The following RAB33B variants were observed in gnomAD, a reference collection of about 807,000 sequenced individuals.
The protein encoded by RAB33B is ras-related protein Rab-33B.
In RAB33B, 6 loss-of-function variants were observed where a neutral mutation model predicts 15.0. That is an observed-to-expected ratio of 0.40 (90% confidence interval 0.22 to 0.79). RAB33B has a LOEUF of 0.79. RAB33B is among the 30% of genes least tolerant of loss of function. The pLI is 0.37. For synonymous variants in RAB33B, 117 were observed against 108.3 expected (o/e 1.08, Z -0.50); for missense variants, 257 against 296.4 (o/e 0.87, Z 0.98).
chr4:139,446,850 C>T, the RAB33B span, among the ~76,000 whole-genome samples: 2 of 152,190 alleles, frequency 1.3e-5, no homozygotes, highest in African/African-American at 2.4e-5. Context: ...CCCAATTTGC[C>T]AGCAGCAGAG....
chr4:139,448,121 T>C, the RAB33B span, among the ~76,000 whole-genome samples: 8,313 of 152,242 alleles, frequency 0.055, 258 homozygotes, highest in East Asian at 0.1. Context: ...AGGTGTCTCT[T>C]AGTATTACCA....
At chr4:139,460,214 G>T (rs1750145666) in intron 1 of RAB33B, among the ~76,000 whole-genome samples, 1 of 152,144 alleles carries the variant, frequency 6.6e-6, no homozygotes, top group Non-Finnish European at 1.5e-5. Flanking sequence ...ATTTGGACAG[G>T]CTCTGTAACA....
At position 139,454,127 on chromosome 4, in the gene RAB33B, G is replaced by T. The variant is rs2111066835; in HGVS notation, c.-69G>T. ...ACTGGCCGGCTGGGCGCGCGCTCTT[G>T]CGGTGGCGTAATCTCTCAGCCTTTC... On this transcript the variant is annotated 5_prime_UTR_variant, in exon 1 of 2. Coordinates refer to ENST00000305626, the MANE Select transcript of RAB33B (RefSeq NM_031296.3). The T allele has an allele frequency of 1.3e-6, 2 of 1,516,732 alleles. No individual in the cohort carries two copies. Among genetic ancestry groups the T allele is most frequent in the Non-Finnish European group, 1.8e-6 (2 of 1,131,806 alleles). The allele number at this position is 1,516,732 out of a possible 1,614,324, so 94.0% of individuals were successfully genotyped here. A position where few individuals can be genotyped will look rare whatever the true frequency, so the allele number is the denominator to read the frequency against.
At chr4:139,445,413 A>G in the RAB33B span, among the ~76,000 whole-genome samples, 1 of 152,258 alleles carries the variant, frequency 6.6e-6, no homozygotes, top group Non-Finnish European at 1.5e-5. Context: ...AAGAAGTAGC[A>G]AATACACTGG....
At chr4:139,462,154 C>T (rs545586227) in intron 1 of RAB33B, among the ~76,000 whole-genome samples, 2 of 150,790 alleles carry the variant, frequency 1.3e-5, no homozygotes, top group Admixed American at 6.6e-5. Flanking sequence ...CCCGGGTTCA[C>T]GCCATTCTCC....
intron 1 of RAB33B, among the ~76,000 whole-genome samples, chr4:139,460,874 A>G (rs138139877): frequency 2.7e-4 from 41 of 152,334 alleles, no homozygotes; most frequent in African/African-American, 9.1e-4. Context: ...CCCAGGAACC[A>G]GGTCAGAATT....
At chr4:139,447,266 C>T in the RAB33B span, among the ~76,000 whole-genome samples, 2 of 152,202 alleles carry the variant, frequency 1.3e-5, no homozygotes, top group African/African-American at 4.8e-5. Flanking sequence ...GGTGACAACA[C>T]TTTGCAGGCC....
intron 1 of RAB33B, among the ~76,000 whole-genome samples, chr4:139,465,604 A>G (rs1388817772): frequency 2.0e-5 from 3 of 152,226 alleles, no homozygotes; most frequent in African/African-American, 4.8e-5. Flanking sequence ...AGCTTTCTAC[A>G]TATGGCTGGC....
rs186593113 is a variant in RAB33B at position 139,467,099 on chromosome 4, G to A, written c.250-5587G>A. On this transcript the variant is annotated intron_variant, in intron 1 of 1. Transcript: ENST00000305626. Reference sequence around the variant, plus strand: ...TTTTCCCACCTCAACCTCCCAAGTAGCTGGGACTATGGGCACCTGCCACCA... The same window carrying A: ...TTTTCCCACCTCAACCTCCCAAGTAACTGGGACTATGGGCACCTGCCACCA... Among the ~76,000 whole-genome samples, 660 of 149,548 alleles carry A rather than the reference G, an allele frequency of 4.4e-3. 3 individuals are homozygous for A. Among genetic ancestry groups the A allele is most frequent in the Non-Finnish European group, 7.0e-3 (474 of 67,594 alleles).
At chr4:139,444,603 C>T in the RAB33B span, among the ~76,000 whole-genome samples, 20 of 152,188 alleles carry the variant, frequency 1.3e-4, no homozygotes, top group Non-Finnish European at 2.4e-4. Flanking sequence ...TGGACACTGG[C>T]TCTGAGCTGA....
chr4:139,453,686 G>A (rs1392074165), upstream of RAB33B: 1 of 152,476 alleles, frequency 6.6e-6, no homozygotes, highest in East Asian at 1.9e-4. Context: ...CGTCCTTACC[G>A]TTGCTCTCCA....
intron 1 of RAB33B, 131 bp downstream of exon 1, chr4:139,454,575 GGGATTGGAA>G: frequency 9.5e-7 from 1 of 1,052,102 alleles, no homozygotes; most frequent in Non-Finnish European, 1.3e-6. Flanking sequence ...ATTGGAGTTG[GGGATTGGAA>G]GGATTGCAAT....
intron 1 of RAB33B, among the ~76,000 whole-genome samples, chr4:139,464,386 GTTTTTTT>G (rs372330119): frequency 2.0e-5 from 2 of 101,772 alleles, no homozygotes; most frequent in African/African-American, 7.0e-5. Flanking sequence ...GAGGAATACT[GTTTTTTT>G]TTTTTTTTTT....
upstream of RAB33B, chr4:139,453,982 G>A (rs1045020703): frequency 6.7e-5 from 30 of 446,846 alleles, no homozygotes; most frequent in Non-Finnish European, 7.6e-6. Flanking sequence ...GCCGCGGGCA[G>A]GCGGCTCCGT....
At chr4:139,447,558 C>G in the RAB33B span, among the ~76,000 whole-genome samples, 1 of 151,642 alleles carries the variant, frequency 6.6e-6, no homozygotes, top group East Asian at 1.9e-4. Context: ...CACCTGGACA[C>G]TTGGGGCTCC....
chr4:139,443,535 TGA>T, the RAB33B span, among the ~76,000 whole-genome samples: 1 of 152,122 alleles, frequency 6.6e-6, no homozygotes, highest in South Asian at 2.1e-4. Flanking sequence ...CTGTCCTAAG[TGA>T]GAGTCTTATC....
the RAB33B span, among the ~76,000 whole-genome samples, chr4:139,438,473 A>G: frequency 6.6e-6 from 1 of 152,178 alleles, no homozygotes; most frequent in African/African-American, 2.4e-5. Context: ...TTCATGATAT[A>G]AAAGACTAGA....
the RAB33B span, among the ~76,000 whole-genome samples, chr4:139,446,707 CA>C: frequency 0.04 from 6,073 of 152,286 alleles, 177 homozygotes; most frequent in Non-Finnish European, 0.065. Flanking sequence ...CCTCTTTCCC[CA>C]GTTACGCCTG....
intron 1 of RAB33B, among the ~76,000 whole-genome samples, chr4:139,469,426 G>T (rs573061157): frequency 6.6e-6 from 1 of 152,228 alleles, no homozygotes; most frequent in African/African-American, 2.4e-5. Context: ...GTTATCTCGA[G>T]TTTCTTTAAA....
Sources: gnomAD v4.1 joint callset for allele counts (sites outside exome capture counted in the v4.1 genomes callset) on GRCh38, gnomAD v4.1.1 for gene constraint, MANE v1.5 for transcripts, NCBI Gene and HGNC (gene_info 2026-07-23, HGNC 2026-07-21) for gene names.